ADAMTS19: variants seen among roughly 807,000 people sequenced by gnomAD.
ADAMTS19 encodes A disintegrin and metalloproteinase with thrombospondin motifs 19.
In ADAMTS19, 93 loss-of-function variants were observed where a neutral mutation model predicts 153.3. That is an observed-to-expected ratio of 0.61 (90% CI 0.51 to 0.72). The LOEUF (loss-of-function observed/expected upper bound fraction) is 0.72. ADAMTS19 is among the 30% of genes least tolerant of loss of function. The pLI is 0.00. For missense variants in ADAMTS19, 1,482 were observed against 1,552.1 expected, an observed-to-expected ratio of 0.95 and a Z score of 0.76; for synonymous variants, 600 against 556.6, an observed-to-expected ratio of 1.08 and a Z score of -1.10.
chr5:129,545,482 G>A (rs6867474), intron 6 of ADAMTS19, among the ~76,000 whole-genome samples: 3,750 of 152,186 alleles, frequency 0.025, 117 homozygotes, highest in African/African-American at 0.079. Flanking sequence ...ATGGAATGTC[G>A]GAGGGATTAA....
chr5:129,539,250 G>T (rs1237494958), intron 6 of ADAMTS19, among the ~76,000 whole-genome samples: 4 of 152,054 alleles, frequency 2.6e-5, no homozygotes, highest in Admixed American at 2.6e-4. Context: ...GAGTGGTTCA[G>T]TGTAATCACA....
chr5:129,562,732 C>A (rs1450614035), intron 7 of ADAMTS19, among the ~76,000 whole-genome samples: 3 of 152,054 alleles, frequency 2.0e-5, no homozygotes, highest in Non-Finnish European at 4.4e-5. Flanking sequence ...AAGATAAATG[C>A]TGATTGAATA....
chr5:129,683,539 TTAACTGTAAGCATAC>T (rs1295760294), intron 17 of ADAMTS19, among the ~76,000 whole-genome samples: 1 of 152,044 alleles, frequency 6.6e-6, no homozygotes, highest in Non-Finnish European at 1.5e-5. Flanking sequence ...CAATTAAAGG[TTAACTGTAAGCATAC>T]CTGGAGTGAA....
chr5:129,730,238 T>C (rs1757378072), intron 21 of ADAMTS19, among the ~76,000 whole-genome samples: 1 of 152,122 alleles, frequency 6.6e-6, no homozygotes, highest in African/African-American at 2.4e-5. Context: ...TAATAAAGCT[T>C]ACACTGAACT....
At chr5:129,551,370 T>G (rs1581075034) in intron 6 of ADAMTS19, among the ~76,000 whole-genome samples, 2 of 151,706 alleles carry the variant, frequency 1.3e-5, no homozygotes, top group Admixed American at 1.3e-4. Flanking sequence ...AAATAATAAT[T>G]TCCTTATACC....
At position 129,467,618 on chromosome 5, in the gene ADAMTS19, T is replaced by C. The variant is rs113615065; in HGVS notation, c.747+5861T>C. Among the ~76,000 whole-genome samples the C allele has an allele frequency of 4.0e-3, 604 of 152,290 alleles. 2 individuals carry two copies. Among genetic ancestry groups the C allele is most frequent in the Non-Finnish European group, 6.6e-3 (449 of 68,010 alleles). On this transcript the variant is annotated intron_variant, in intron 2 of 22. Coordinates refer to ENST00000274487, the MANE Select transcript of ADAMTS19 (RefSeq NM_133638.6). ...GATTGACTTTAGAGGATTGAATCAG[T>C]AATACTGGGTGCCAGAGGATCAGGT...
intron 20 of ADAMTS19, among the ~76,000 whole-genome samples, chr5:129,702,941 A>AATATATATATATATATATATATATATAT (rs59614056): frequency 1.0e-4 from 3 of 29,298 alleles, no homozygotes; most frequent in East Asian, 1.3e-3. Context: ...AAAAAAAAAA[A>AATATATATATATATATATATATATATAT]ATATATATAT....
At chr5:129,556,653 A>G (rs977128927) in intron 7 of ADAMTS19, among the ~76,000 whole-genome samples, 2 of 152,194 alleles carry the variant, frequency 1.3e-5, no homozygotes, top group African/African-American at 4.8e-5. Flanking sequence ...AGAGTTCTTA[A>G]AAGTGGGAGA....
intron 19 of ADAMTS19, among the ~76,000 whole-genome samples, chr5:129,697,471 G>T (rs1163791368): frequency 3.3e-5 from 5 of 152,136 alleles, no homozygotes; most frequent in Non-Finnish European, 7.4e-5. Flanking sequence ...GCTTTTAAAA[G>T]AATAGGAAAA....
intron 2 of ADAMTS19, among the ~76,000 whole-genome samples, chr5:129,497,595 A>G (rs997714227): frequency 3.3e-5 from 5 of 152,086 alleles, no homozygotes; most frequent in South Asian, 4.1e-4. Flanking sequence ...TGACTTTTAT[A>G]TCTCAATTAC....
At chr5:129,491,296 C>T (rs1019228245) in intron 2 of ADAMTS19, among the ~76,000 whole-genome samples, 3 of 152,270 alleles carry the variant, frequency 2.0e-5, no homozygotes, top group East Asian at 1.9e-4. Context: ...GCCACCAGGC[C>T]GGGCCACTCC....
rs372925572 is a variant in ADAMTS19, at chr5:129,517,478, A to G, written c.913+8236A>G. 2.9e-4 allele frequency among the ~76,000 whole-genome samples: 44 copies of G among 151,996 alleles called. No homozygotes were observed. In the South Asian group the frequency reaches 8.9e-3, roughly 31 times the overall value. ...ATATGGGTGCTCCAGTGTTGGTTGC[A>G]TATATATATTTAAAATTGTTATATC... On this transcript the variant is annotated intron_variant, in intron 3 of 22. Transcript: ENST00000274487.
intron 6 of ADAMTS19, among the ~76,000 whole-genome samples, chr5:129,551,106 T>C (rs1753075749): frequency 6.6e-6 from 1 of 151,714 alleles, no homozygotes; most frequent in Non-Finnish European, 1.5e-5. Flanking sequence ...CCTCTATCTT[T>C]ATGATGAGGT....
chr5:129,474,155 G>A (rs1321273353), intron 2 of ADAMTS19, among the ~76,000 whole-genome samples: 1 of 151,966 alleles, frequency 6.6e-6, no homozygotes, highest in Non-Finnish European at 1.5e-5. Context: ...TATAAAATTT[G>A]GTCATTTGTG....
chr5:129,721,239 T>C (rs540038073), intron 21 of ADAMTS19, among the ~76,000 whole-genome samples: 1 of 152,334 alleles, frequency 6.6e-6, no homozygotes, highest in South Asian at 2.1e-4. Context: ...ATGAAGATGA[T>C]CTTGATAAAA....
At chr5:129,714,597 A>T (rs73233686) in intron 21 of ADAMTS19, among the ~76,000 whole-genome samples, 7,242 of 152,184 alleles carry the variant, frequency 0.048, 576 homozygotes, top group African/African-American at 0.17. Flanking sequence ...GGGGGCAACC[A>T]GAAAGCTCCA....
intron 10 of ADAMTS19, among the ~76,000 whole-genome samples, chr5:129,623,821 TG>T (rs1310056848): frequency 6.6e-6 from 1 of 151,568 alleles, no homozygotes; most frequent in Non-Finnish European, 1.5e-5. Context: ...TCAGATGTGA[TG>T]TGTAAAAGGC....
intron 2 of ADAMTS19, among the ~76,000 whole-genome samples, chr5:129,477,430 G>A (rs1750261886): frequency 6.6e-6 from 1 of 152,172 alleles, no homozygotes. Flanking sequence ...TCGTATGAGG[G>A]AGGCAGAATC....
intron 6 of ADAMTS19, among the ~76,000 whole-genome samples, chr5:129,547,099 C>A (rs1752888007): frequency 6.6e-6 from 1 of 150,618 alleles, no homozygotes. Context: ...AATGACTGTG[C>A]AGATGTGATT....
Sources: gnomAD v4.1 joint callset for allele counts (sites outside exome capture counted in the v4.1 genomes callset) on GRCh38, gnomAD v4.1.1 for gene constraint, MANE v1.5 for transcripts, NCBI Gene and HGNC (gene_info 2026-07-23, HGNC 2026-07-21) for gene names.